CHAF1B: variants seen among roughly 807,000 people sequenced by gnomAD.
CHAF1B encodes CAF-1 subunit B.
In CHAF1B, 10 loss-of-function variants were observed where a neutral mutation model predicts 60.7. The observed-to-expected ratio is 0.16, with a 90% confidence interval of 0.10 to 0.28. The LOEUF (loss-of-function observed/expected upper bound fraction) is 0.28, where lower values mean the gene tolerates loss of function less well. Ranked by LOEUF, CHAF1B falls within the 10% of genes least tolerant of loss-of-function variation. The probability of loss-of-function intolerance (pLI) is 1.00; values close to 1 mark genes in which losing one functional copy is unlikely to be tolerated. For missense variants in CHAF1B, 558 were observed against 708.4 expected, an observed-to-expected ratio of 0.79 and a Z score of 2.41; for synonymous variants, 261 against 266.1, an observed-to-expected ratio of 0.98 and a Z score of 0.19.
At chr21:36,403,260 C>A (rs182349742) in intron 8 of CHAF1B, among the ~76,000 whole-genome samples, 2 of 151,808 alleles carry the variant, frequency 1.3e-5, no homozygotes, top group East Asian at 3.9e-4. Context: ...GAGTTCATGA[C>A]CAGCCTGGCC....
intron 8 of CHAF1B, among the ~76,000 whole-genome samples, chr21:36,405,529 AG>A (rs1437678529): frequency 6.6e-6 from 1 of 152,076 alleles, no homozygotes; most frequent in African/African-American, 2.4e-5. Flanking sequence ...TCCTGAGTTC[AG>A]GGAATCCTCC....
chr21:36,413,374 C>T (rs75089106), intron 12 of CHAF1B, 59 bp downstream of exon 12: 25 of 1,458,492 alleles, frequency 1.7e-5, no homozygotes, highest in East Asian at 2.3e-5. Flanking sequence ...GCAGACAGAA[C>T]GCTCCCACCC....
intron 5 of CHAF1B, 80 bp downstream of exon 5, chr21:36,394,730 C>CAT: frequency 1.9e-6 from 1 of 538,896 alleles, no homozygotes; most frequent in Non-Finnish European, 3.1e-6. Flanking sequence ...CTTGCTTTAA[C>CAT]TTTTTTTTTT....
intron 1 of CHAF1B, 108 bp from the exon 2 acceptor site, chr21:36,385,952 G>T: frequency 1.6e-6 from 1 of 618,382 alleles, no homozygotes. Flanking sequence ...AGATGGCAAC[G>T]TTAACATCCT....
intron 8 of CHAF1B, among the ~76,000 whole-genome samples, chr21:36,404,653 C>T (rs218648): frequency 1.3e-5 from 2 of 150,272 alleles, no homozygotes; most frequent in African/African-American, 2.4e-5. Context: ...AGTCTGGTCT[C>T]GAACTCCGGA....
At chr21:36,398,640 G>A (rs7281977) in intron 6 of CHAF1B, among the ~76,000 whole-genome samples, 58 of 152,294 alleles carry the variant, frequency 3.8e-4, no homozygotes, top group Middle Eastern at 3.4e-3. Context: ...GATTACAGGC[G>A]TGAGCCACCT....
intron 9 of CHAF1B, 29 bp downstream of exon 9, chr21:36,408,859 T>C: frequency 6.6e-7 from 1 of 1,513,188 alleles, no homozygotes; most frequent in Non-Finnish European, 9.2e-7. Flanking sequence ...GTTTGAAATG[T>C]TTACATTTTT....
chr21:36,411,702 C>G, intron 11 of CHAF1B, 98 bp downstream of exon 11: 2 of 1,350,666 alleles, frequency 1.5e-6, no homozygotes, highest in Admixed American at 2.1e-5. Flanking sequence ...CTAAAGATGG[C>G]TTTGGGGGAC....
At position 36,402,753 on chromosome 21, in the gene CHAF1B, G is replaced by C; in HGVS notation, c.664-5G>C. On this transcript the variant is annotated splice_polypyrimidine_tract_variant and splice_region_variant and intron_variant, in intron 7 of 13. Coordinates refer to ENST00000314103, the MANE Select transcript of CHAF1B (RefSeq NM_005441.3). ...AATAATAAAAATAAATTTTGTGTGC[G>C]ACAGGCAAGAAGCTACCGGATGTTT... 4 of 1,605,610 alleles carry C rather than the reference G, an allele frequency of 2.5e-6. No homozygotes were observed. The highest frequency in any genetic ancestry group is 2.5e-6 in the Non-Finnish European group (3 of 1,176,910).
At chr21:36,399,682 T>A in intron 7 of CHAF1B, 77 bp downstream of exon 7, 1 of 1,179,830 alleles carries the variant, frequency 8.5e-7, no homozygotes, top group South Asian at 1.3e-5. Flanking sequence ...TCCCATACCC[T>A]TGCAGCCAAA....
chr21:36,385,544 G>A (rs888860163), intron 1 of CHAF1B, 93 bp downstream of exon 1: 2 of 151,674 alleles, frequency 1.3e-5, no homozygotes, highest in African/African-American at 4.8e-5. Flanking sequence ...CCTGGGCCCC[G>A]GGATAGCTCC....
At chr21:36,401,337 ATTTATATTATATATAATATATT>A (rs1569125191) in intron 7 of CHAF1B, among the ~76,000 whole-genome samples, 8 of 142,410 alleles carry the variant, frequency 5.6e-5, no homozygotes, top group South Asian at 4.2e-4. Flanking sequence ...TATGTTATAT[ATTTATATTATATATAATATATT>A]TTTATATTAT....
chr21:36,413,454 A>G lies in CHAF1B; in HGVS notation c.1493+139A>G, dbSNP rs2086294616. On this transcript the variant is annotated intron_variant, in intron 12 of 13. Transcript: ENST00000314103. ...GTTGCCAGAGAGATTCTTAACTTCA[A>G]ATCCGAGAGTGTCATTTCTTGCATA... The G allele has an allele frequency of 1.3e-5, 10 of 796,174 alleles. No individual in the cohort carries two copies. The South Asian group carries it at 1.9e-4, about 15-fold the overall frequency. The allele number at this position is 796,174 out of a possible 1,614,324, so 49.3% of individuals were successfully genotyped here.
intron 4 of CHAF1B, 57 bp from the exon 5 acceptor site, chr21:36,394,490 G>C: frequency 8.1e-7 from 1 of 1,231,464 alleles, no homozygotes. Context: ...GATTACAGGG[G>C]TAAGCTGCTA....
At chr21:36,400,779 T>C (rs578021032) in intron 7 of CHAF1B, among the ~76,000 whole-genome samples, 291 of 152,308 alleles carry the variant, frequency 1.9e-3, no homozygotes, top group Non-Finnish European at 3.3e-3. Flanking sequence ...ATTTTGACTT[T>C]CAAATAATTG....
intron 8 of CHAF1B, 33 bp from the exon 9 acceptor site, chr21:36,408,728 T>G: frequency 6.6e-7 from 1 of 1,520,790 alleles, no homozygotes; most frequent in Non-Finnish European, 9.1e-7. Flanking sequence ...ACAGTGACTT[T>G]TCTTTCCTCT....
intron 6 of CHAF1B, 79 bp downstream of exon 6, chr21:36,397,590 T>A (rs2086152325): frequency 1.5e-6 from 1 of 657,936 alleles, no homozygotes; most frequent in Admixed American, 3.0e-5. Flanking sequence ...TTATCGTAAC[T>A]TAGCCAAGAT....
chr21:36,413,422 C>G (rs2086294349), intron 12 of CHAF1B, 107 bp downstream of exon 12: 1 of 1,050,816 alleles, frequency 9.5e-7, no homozygotes, highest in African/African-American at 1.6e-5. Context: ...ATGCTTCATG[C>G]CAGTAGGTTG....
intron 8 of CHAF1B, among the ~76,000 whole-genome samples, chr21:36,408,038 A>G (rs1568818326): frequency 6.6e-6 from 1 of 152,156 alleles, no homozygotes; most frequent in African/African-American, 2.4e-5. Flanking sequence ...AAAAAAGACT[A>G]TTGATACTGT....
Sources: gnomAD v4.1 joint callset for allele counts (sites outside exome capture counted in the v4.1 genomes callset) on GRCh38, gnomAD v4.1.1 for gene constraint, MANE v1.5 for transcripts, NCBI Gene and HGNC (gene_info 2026-07-23, HGNC 2026-07-21) for gene names.